Variants in RTL4 observed in about 807,000 individuals in gnomAD.
RTL4 encodes the protein retrotransposon Gag like 4.
Under a neutral mutation model 5.3 loss-of-function variants are expected in RTL4, and 4 were observed. The ratio of observed to expected loss-of-function variants is 0.75; its 90% CI spans 0.37 to 1.72. The LOEUF is 1.72. Ranked by LOEUF, RTL4 falls within the 40% of genes most tolerant of loss-of-function variation. RTL4 has a pLI of 0.04. For missense variants in RTL4, 260 were observed against 227.1 expected, an observed-to-expected ratio of 1.14 and a Z score of -0.93; for synonymous variants, 98 against 87.3, an observed-to-expected ratio of 1.12 and a Z score of -0.68.
At chrX:112,188,063 C>T in the RTL4 span, among the ~76,000 whole-genome samples, 1 of 111,330 alleles carries the variant, frequency 9.0e-6, no homozygotes, top group South Asian at 3.8e-4. Flanking sequence ...GACACATGTG[C>T]CCACTCCTTA....
chrX:112,138,065 A>G, the RTL4 span, among the ~76,000 whole-genome samples: 1 of 112,561 alleles, frequency 8.9e-6, no homozygotes, highest in East Asian at 2.8e-4. Flanking sequence ...TCAGCCTTAA[A>G]AAAGAAGAAA....
chrX:112,185,038 G>T, the RTL4 span, among the ~76,000 whole-genome samples: 1 of 111,021 alleles, frequency 9.0e-6, no homozygotes, highest in African/African-American at 3.3e-5. Flanking sequence ...CTTAGAGATC[G>T]TAGAGTTCAA....
At chrX:112,343,427 C>A in the RTL4 span, among the ~76,000 whole-genome samples, 1 of 111,729 alleles carries the variant, frequency 9.0e-6, no homozygotes, top group South Asian at 3.8e-4. Flanking sequence ...ATTGTTTACT[C>A]TTCTATAATG....
At chrX:112,417,092 T>C in the RTL4 span, among the ~76,000 whole-genome samples, 1 of 111,608 alleles carries the variant, frequency 9.0e-6, no homozygotes, top group East Asian at 2.8e-4. Flanking sequence ...TGACTCACTT[T>C]GCTTCAGATG....
the RTL4 span, among the ~76,000 whole-genome samples, chrX:112,440,385 A>G: frequency 9.0e-6 from 1 of 111,521 alleles, no homozygotes; most frequent in East Asian, 2.8e-4. Flanking sequence ...GCAGGTCACA[A>G]CCAGTTTTCT....
the RTL4 span, among the ~76,000 whole-genome samples, chrX:112,088,406 C>A: frequency 9.0e-6 from 1 of 111,630 alleles, no homozygotes; most frequent in South Asian, 3.8e-4. Flanking sequence ...CTTTTTGCAA[C>A]CTACTGATGT....
At chrX:112,242,134 C>T in the RTL4 span, among the ~76,000 whole-genome samples, 1 of 111,627 alleles carries the variant, frequency 9.0e-6, no homozygotes, top group African/African-American at 3.3e-5. Context: ...TAGCGTGATG[C>T]CTCCAGCTTT....
the RTL4 span, among the ~76,000 whole-genome samples, chrX:112,247,121 G>A: frequency 3.6e-5 from 4 of 111,202 alleles, no homozygotes; most frequent in African/African-American, 6.5e-5. Context: ...AGTCCTCAAA[G>A]GTAAACAAAG....
chrX:112,195,489 C>T, the RTL4 span, among the ~76,000 whole-genome samples: 1 of 111,632 alleles, frequency 9.0e-6, no homozygotes, highest in Non-Finnish European at 1.9e-5. Context: ...CACTTGATTC[C>T]TAATTGTGAA....
the RTL4 span, among the ~76,000 whole-genome samples, chrX:112,299,210 T>A: frequency 7.2e-5 from 8 of 111,883 alleles, no homozygotes; most frequent in Non-Finnish European, 1.3e-4. Context: ...GTCTGATATA[T>A]AACAGGGCAG....
chrX:112,433,560 T>C, the RTL4 span, among the ~76,000 whole-genome samples: 1 of 63,140 alleles, frequency 1.6e-5, no homozygotes, highest in Non-Finnish European at 2.8e-5. Flanking sequence ...TAAGAATGCT[T>C]GTGATTTTTG....
chrX:112,350,149 T>C, the RTL4 span, among the ~76,000 whole-genome samples: 3 of 111,588 alleles, frequency 2.7e-5, no homozygotes, highest in East Asian at 8.5e-4. Context: ...TGGTTCTGTT[T>C]ATATGCTGGA....
the RTL4 span, among the ~76,000 whole-genome samples, chrX:112,250,353 GTTTTGTTTTGT>G: frequency 1.8e-5 from 2 of 111,299 alleles, no homozygotes; most frequent in African/African-American, 6.5e-5. Context: ...TTTTTGTTTT[GTTTTGTTTTGT>G]TTTTGTTTTG....
chrX:112,344,390 GCAGGCTGTA>G, the RTL4 span, among the ~76,000 whole-genome samples: 1 of 112,342 alleles, frequency 8.9e-6, no homozygotes, highest in South Asian at 3.7e-4. Context: ...TCAAGGTTCT[GCAGGCTGTA>G]CAGGAAGCAT....
chrX:112,386,875 A>G, the RTL4 span, among the ~76,000 whole-genome samples: 1 of 111,790 alleles, frequency 8.9e-6, no homozygotes, highest in East Asian at 2.8e-4. Flanking sequence ...GATACCCAGT[A>G]GTGGGATTTC....
the RTL4 span, among the ~76,000 whole-genome samples, chrX:112,186,041 T>G: frequency 1.8e-5 from 2 of 111,142 alleles, no homozygotes; most frequent in African/African-American, 6.5e-5. Flanking sequence ...ATGCTTACCT[T>G]TCATCACCTC....
the RTL4 span, among the ~76,000 whole-genome samples, chrX:112,425,520 G>A: frequency 1.8e-5 from 2 of 111,260 alleles, no homozygotes; most frequent in African/African-American, 3.3e-5. Context: ...TTCCATAGGG[G>A]TTGTACTGTT....
the RTL4 span, among the ~76,000 whole-genome samples, chrX:112,297,937 A>T: frequency 8.9e-6 from 1 of 111,742 alleles, no homozygotes; most frequent in Admixed American, 9.5e-5. Context: ...GGGTTTCTTG[A>T]GGACAGGGTC....
chrX:112,124,181 C>T, the RTL4 span, among the ~76,000 whole-genome samples: 3,891 of 111,382 alleles, frequency 0.035, 64 homozygotes, highest in African/African-American at 0.044. Context: ...TAGATGCTGG[C>T]GAGGCTGTGG....
Sources: gnomAD v4.1 joint callset for allele counts (sites outside exome capture counted in the v4.1 genomes callset) on GRCh38, gnomAD v4.1.1 for gene constraint, MANE v1.5 for transcripts, NCBI Gene and HGNC (gene_info 2026-07-23, HGNC 2026-07-21) for gene names.